Variants in DUSP11 observed in about 807,000 individuals in gnomAD.
DUSP11 encodes dual specificity phosphatase 11, also known as RNA/RNP complex-1-interacting phosphatase.
DUSP11 carries 27 observed loss-of-function variants against 41.4 expected under a neutral mutation model. The observed-to-expected ratio is 0.65, with a 90% CI of 0.48 to 0.90. The LOEUF (loss-of-function observed/expected upper bound fraction) is 0.90. DUSP11 is among the 40% of genes least tolerant of loss of function. The pLI is 0.00. For synonymous variants in DUSP11, 188 were observed against 159.3 expected (o/e 1.18, Z -1.35); for missense variants, 465 against 461.1 (o/e 1.01, Z -0.08).
At chr2:73,766,506 C>T in exon 8 of DUSP11, 1 of 1,614,012 alleles carries the variant, frequency 6.2e-7, no homozygotes, top group Non-Finnish European at 8.5e-7. Flanking sequence ...TACCTAGGTC[C>T]TTGTTTAACA....
intron 1 of DUSP11, among the ~76,000 whole-genome samples, chr2:73,779,208 G>C (rs1001922185): frequency 3.9e-5 from 6 of 152,086 alleles, no homozygotes; most frequent in African/African-American, 1.4e-4. Flanking sequence ...TCACTAATTA[G>C]AACCCCACTG....
At chr2:73,778,945 C>T (rs547183262) in intron 1 of DUSP11, among the ~76,000 whole-genome samples, 1 of 152,026 alleles carries the variant, frequency 6.6e-6, no homozygotes, top group African/African-American at 2.4e-5. Context: ...GTCAGGAGTT[C>T]GAGACCAGCC....
intron 5 of DUSP11, chr2:73,768,958 TAAAA>T: frequency 5.1e-4 from 45 of 88,676 alleles, no homozygotes; most frequent in Non-Finnish European, 6.4e-4. Flanking sequence ...TCCGTCTCAA[TAAAA>T]AAAAAAAAAA....
intron 3 of DUSP11, among the ~76,000 whole-genome samples, chr2:73,774,561 T>C (rs935695959): frequency 2.6e-5 from 4 of 152,222 alleles, no homozygotes; most frequent in African/African-American, 7.2e-5. Context: ...CCCCACCTCA[T>C]AGATCCTTTA....
At chr2:73,778,060 T>C (rs1293077649) in intron 2 of DUSP11, among the ~76,000 whole-genome samples, 1 of 151,852 alleles carries the variant, frequency 6.6e-6, no homozygotes, top group Non-Finnish European at 1.5e-5. Context: ...GAAATAAATA[T>C]TATTTTATTA....
chr2:73,764,003 A>T (rs1672411648), intron 8 of DUSP11, among the ~76,000 whole-genome samples: 1 of 152,230 alleles, frequency 6.6e-6, no homozygotes, highest in Non-Finnish European at 1.5e-5. Context: ...CCACAACCAC[A>T]AATAATGCTG....
chr2:73,769,774 G>A (rs751445641), intron 4 of DUSP11, among the ~76,000 whole-genome samples: 16 of 152,058 alleles, frequency 1.1e-4, no homozygotes, highest in African/African-American at 2.7e-4. Flanking sequence ...TCTCTTGTTC[G>A]GTGCTCCACA....
At chr2:73,774,615 A>G (rs1229535380) in intron 3 of DUSP11, among the ~76,000 whole-genome samples, 4 of 152,252 alleles carry the variant, frequency 2.6e-5, no homozygotes, top group African/African-American at 9.6e-5. Context: ...TAGGTACTTC[A>G]TACAAGTGGA....
At chr2:73,773,658 C>T (rs1672626421) in intron 4 of DUSP11, 142 bp downstream of exon 4, 1 of 820,218 alleles carries the variant, frequency 1.2e-6, no homozygotes, top group Non-Finnish European at 1.9e-6. Context: ...AAACATCTTA[C>T]CCTATTAGCA....
intron 2 of DUSP11, 55 bp downstream of exon 2, chr2:73,778,246 G>T: frequency 8.3e-7 from 1 of 1,200,314 alleles, no homozygotes; most frequent in Non-Finnish European, 1.2e-6. Flanking sequence ...GGAGAGCAGT[G>T]TTCTGCATGG....
rs1264465570 is a variant in DUSP11, at chr2:73,775,826, C to A, written c.319-782G>T. 2.1e-5 allele frequency among the ~76,000 whole-genome samples: 3 copies of A among 139,886 alleles called. No homozygotes were observed. In the Admixed American group the frequency reaches 2.3e-4, roughly 11 times the overall value. 91.8% of individuals were successfully genotyped at this position (139,886 alleles called of 152,430 possible). On this transcript the variant is annotated intron_variant, in intron 2 of 8. Coordinates refer to ENST00000272444, the Ensembl canonical transcript of DUSP11. ...CCGAGATCACACCACTGCACTCCAG[C>A]CTGGGTGACAGAGTGACTCCATCTC...
chr2:73,767,338 A>T (rs1672484331), intron 5 of DUSP11, 131 bp from the exon 6 acceptor site: 1 of 707,804 alleles, frequency 1.4e-6, no homozygotes, highest in Non-Finnish European at 2.4e-6. Context: ...CATCAAATCC[A>T]GCAGTTATTA....
chr2:73,775,543 CTTT>C (rs35764115), intron 2 of DUSP11, among the ~76,000 whole-genome samples: 7 of 135,194 alleles, frequency 5.2e-5, no homozygotes, highest in Admixed American at 7.5e-5. Flanking sequence ...CACACCTGGC[CTTT>C]TTTTTTTTTT....
chr2:73,776,338 C>T (rs1043174531), intron 2 of DUSP11, among the ~76,000 whole-genome samples: 4 of 148,842 alleles, frequency 2.7e-5, no homozygotes, highest in Admixed American at 2.1e-4. Flanking sequence ...TGGCGTGAAC[C>T]CAGGAGGCAG....
At chr2:73,766,754 A>G in intron 7 of DUSP11, 74 bp downstream of exon 7, 1 of 1,389,232 alleles carries the variant, frequency 7.2e-7, no homozygotes, top group Non-Finnish European at 1.0e-6. Context: ...AGAAGAATGA[A>G]CATATGCAAC....
chr2:73,776,437 C>T (rs1254915632), intron 2 of DUSP11, among the ~76,000 whole-genome samples: 1 of 136,264 alleles, frequency 7.3e-6, no homozygotes, highest in Admixed American at 7.5e-5. Flanking sequence ...AAAAAATAGA[C>T]TAGTTTTCAG....
chr2:73,766,718 T>TC (rs766896290), intron 7 of DUSP11, 110 bp downstream of exon 7: 15 of 1,354,176 alleles, frequency 1.1e-5, no homozygotes, highest in Non-Finnish European at 1.0e-6. Context: ...TGTTTACATC[T>TC]CCCCCCAACA....
At chr2:73,764,997 T>C (rs1303590807) in intron 8 of DUSP11, among the ~76,000 whole-genome samples, 1 of 152,204 alleles carries the variant, frequency 6.6e-6, no homozygotes, top group Admixed American at 6.5e-5. Flanking sequence ...TGTTGCTAAA[T>C]TAATAGGCAA....
chr2:73,769,603 A>T (rs1277292319), intron 4 of DUSP11, among the ~76,000 whole-genome samples: 6 of 152,260 alleles, frequency 3.9e-5, no homozygotes, highest in Non-Finnish European at 8.8e-5. Context: ...GCCCATCAGC[A>T]ACTGATTTAA....
Sources: gnomAD v4.1 joint callset for allele counts (sites outside exome capture counted in the v4.1 genomes callset) on GRCh38, gnomAD v4.1.1 for gene constraint, MANE v1.5 for transcripts, NCBI Gene and HGNC (gene_info 2026-07-23, HGNC 2026-07-21) for gene names.